SEMA3C: variants seen among roughly 807,000 people sequenced by gnomAD.
SEMA3C encodes the protein semaphorin 3C, also known as semaphorin-3C.
SEMA3C carries 47 observed loss-of-function variants against 89.4 expected under a neutral mutation model. The ratio of observed to expected loss-of-function variants is 0.53; its 90% CI spans 0.42 to 0.67. SEMA3C has a LOEUF of 0.67. Among genes scored for constraint, SEMA3C ranks in the 30% least tolerant of loss-of-function variants. The pLI is 0.00. For synonymous variants in SEMA3C, 310 were observed against 320.2 expected, an observed-to-expected ratio of 0.97 and a Z score of 0.34; for missense variants, 839 against 929.1, an observed-to-expected ratio of 0.90 and a Z score of 1.26.
chr7:80,782,700 A>G (rs1788717509), intron 12 of SEMA3C, among the ~76,000 whole-genome samples: 1 of 152,190 alleles, frequency 6.6e-6, no homozygotes, highest in South Asian at 2.1e-4. Context: ...CATTCATTCA[A>G]ATAATACCTC....
intron 2 of SEMA3C, among the ~76,000 whole-genome samples, chr7:80,864,385 T>G (rs1285161351): frequency 6.6e-6 from 1 of 151,854 alleles, no homozygotes; most frequent in Non-Finnish European, 1.5e-5. Flanking sequence ...CCGCAATAAC[T>G]TATGAAAAAA....
intron 10 of SEMA3C, among the ~76,000 whole-genome samples, 198 bp downstream of exon 10, chr7:80,800,556 ACTC>A (rs1241316089): frequency 6.6e-6 from 1 of 152,198 alleles, no homozygotes; most frequent in East Asian, 1.9e-4. Flanking sequence ...CATTACAAAT[ACTC>A]TCTACAAAAG....
At chr7:80,910,881 C>A (rs1792130804) in intron 2 of SEMA3C, among the ~76,000 whole-genome samples, 2 of 151,366 alleles carry the variant, frequency 1.3e-5, no homozygotes, top group African/African-American at 4.9e-5. Flanking sequence ...AAAGACAGTG[C>A]AAGGTATAGT....
chr7:80,812,585 T>C (rs1789493005), intron 5 of SEMA3C, among the ~76,000 whole-genome samples: 1 of 152,136 alleles, frequency 6.6e-6, no homozygotes, highest in East Asian at 1.9e-4. Context: ...TACCATTTGC[T>C]CTCAACTGAC....
chr7:80,916,168 A>G (rs965803591), intron 2 of SEMA3C, among the ~76,000 whole-genome samples: 1 of 152,230 alleles, frequency 6.6e-6, no homozygotes, highest in African/African-American at 2.4e-5. Context: ...TTTTCAATTA[A>G]TTAGGGGACT....
At chr7:80,814,125 G>A (rs1351299344) in intron 5 of SEMA3C, among the ~76,000 whole-genome samples, 1 of 128,898 alleles carries the variant, frequency 7.8e-6, no homozygotes, top group Non-Finnish European at 1.6e-5. Context: ...GTCTCGCTCT[G>A]TCGCCCAGGC....
intron 2 of SEMA3C, among the ~76,000 whole-genome samples, chr7:80,874,340 G>A (rs1791146200): frequency 6.6e-6 from 1 of 152,126 alleles, no homozygotes; most frequent in Non-Finnish European, 1.5e-5. Context: ...TTGTTAGGCA[G>A]GGTTTTGAGA....
At chr7:80,793,101 T>C (rs1004419760) in intron 11 of SEMA3C, among the ~76,000 whole-genome samples, 27 of 152,338 alleles carry the variant, frequency 1.8e-4, no homozygotes, top group African/African-American at 6.0e-4. Context: ...TGGTTAAACT[T>C]CTCCTTTAAA....
At chr7:80,908,143 T>A (rs1007531778) in intron 2 of SEMA3C, among the ~76,000 whole-genome samples, 2 of 152,218 alleles carry the variant, frequency 1.3e-5, no homozygotes, top group African/African-American at 4.8e-5. Flanking sequence ...TGTAATAGTC[T>A]GTATCATTTA....
intron 15 of SEMA3C, among the ~76,000 whole-genome samples, chr7:80,753,821 C>G (rs1391101632): frequency 6.6e-6 from 1 of 152,172 alleles, no homozygotes; most frequent in Non-Finnish European, 1.5e-5. Flanking sequence ...GAATCCAGAA[C>G]AAATACTGTT....
At chr7:80,751,176 C>A in intron 16 of SEMA3C, 93 bp downstream of exon 16, 1 of 1,018,722 alleles carries the variant, frequency 9.8e-7, no homozygotes, top group Non-Finnish European at 1.5e-6. Flanking sequence ...GAAAGTGAAA[C>A]GCCTGAATCT....
chr7:80,750,435 C>CATATATATATAT (rs71520704), intron 16 of SEMA3C, among the ~76,000 whole-genome samples: 9 of 71,068 alleles, frequency 1.3e-4, no homozygotes, highest in African/African-American at 3.9e-4. Context: ...TACATACGTA[C>CATATATATATAT]ATATATATAT....
chr7:80,846,153 C>T (rs1419533093), intron 2 of SEMA3C, among the ~76,000 whole-genome samples: 1 of 152,092 alleles, frequency 6.6e-6, no homozygotes, highest in Admixed American at 6.6e-5. Context: ...AAATTTCATG[C>T]CTACAAATAT....
At chr7:80,813,572 A>C (rs894799212) in intron 5 of SEMA3C, among the ~76,000 whole-genome samples, 3 of 152,246 alleles carry the variant, frequency 2.0e-5, no homozygotes, top group African/African-American at 7.2e-5. Context: ...TGATATATCC[A>C]CTAATACATG....
rs530195830 is a variant in SEMA3C, at chr7:80,889,525, A to C, written c.103+27154T>G. Reference sequence around the variant, plus strand: ...ATATCTGTAATATAGGTTCTAAATTATAATTTAATCTTTAAAATATATTGT... The same window carrying C: ...ATATCTGTAATATAGGTTCTAAATTCTAATTTAATCTTTAAAATATATTGT... On this transcript the variant is annotated intron_variant, in intron 2 of 17. Transcript: ENST00000265361. 2.0e-5 allele frequency among the ~76,000 whole-genome samples: 3 copies of C among 152,300 alleles called. No homozygotes were observed. In the South Asian group the frequency reaches 6.2e-4, roughly 32 times the overall value.
chr7:80,786,014 C>A (rs1436948253), intron 12 of SEMA3C, among the ~76,000 whole-genome samples: 1 of 152,152 alleles, frequency 6.6e-6, no homozygotes, highest in Non-Finnish European at 1.5e-5. Flanking sequence ...GGTCCAGTGG[C>A]TAAGCGCGCT....
At chr7:80,921,196 C>T (rs1331205395), upstream of SEMA3C, among the ~76,000 whole-genome samples, 1 of 152,176 alleles carries the variant, frequency 6.6e-6, no homozygotes, top group Non-Finnish European at 1.5e-5. Flanking sequence ...GATTTAATCA[C>T]AGCCCATGAA....
At chr7:80,835,600 A>T (rs1309825602) in intron 2 of SEMA3C, among the ~76,000 whole-genome samples, 1 of 152,154 alleles carries the variant, frequency 6.6e-6, no homozygotes, top group African/African-American at 2.4e-5. Context: ...AGAAAAAAAA[A>T]TAAAGAGCAG....
intron 12 of SEMA3C, among the ~76,000 whole-genome samples, chr7:80,780,775 T>G (rs980779063): frequency 2.0e-5 from 3 of 151,956 alleles, no homozygotes; most frequent in Non-Finnish European, 4.4e-5. Flanking sequence ...TACCAGATAC[T>G]CCGGAGGCTG....
Sources: gnomAD v4.1 joint callset for allele counts (sites outside exome capture counted in the v4.1 genomes callset) on GRCh38, gnomAD v4.1.1 for gene constraint, MANE v1.5 for transcripts, NCBI Gene and HGNC (gene_info 2026-07-23, HGNC 2026-07-21) for gene names.